BRI3BP: variants seen among roughly 807,000 people sequenced by gnomAD.
BRI3BP encodes the protein BRI3 binding protein, also known as BRI3-binding protein.
BRI3BP carries 7 observed loss-of-function variants against 15.8 expected under a neutral mutation model. The observed-to-expected ratio is 0.44, with a 90% CI of 0.25 to 0.83. The LOEUF (loss-of-function observed/expected upper bound fraction) is 0.83, where lower values mean the gene tolerates loss of function less well. Among genes scored for constraint, BRI3BP ranks in the 40% least tolerant of loss-of-function variants. The probability of loss-of-function intolerance (pLI) is 0.20; values close to 1 mark genes in which losing one functional copy is unlikely to be tolerated. For synonymous variants in BRI3BP, 192 were observed against 163.5 expected, an observed-to-expected ratio of 1.17 and a Z score of -1.33; for missense variants, 320 against 339.3, an observed-to-expected ratio of 0.94 and a Z score of 0.45.
chr12:125,010,264 C>T (rs1238464547), intron 1 of BRI3BP, among the ~76,000 whole-genome samples: 1 of 152,252 alleles, frequency 6.6e-6, no homozygotes, highest in South Asian at 2.1e-4. Context: ...CCTGCAGCCC[C>T]AGAGAGCTTA....
chr12:125,006,637 C>T (rs1270569111), intron 1 of BRI3BP, among the ~76,000 whole-genome samples: 3 of 152,326 alleles, frequency 2.0e-5, no homozygotes, highest in Middle Eastern at 3.4e-3. Flanking sequence ...CTCAGCTGCT[C>T]CGACACGCTG....
At chr12:125,000,831 C>G (rs918850093) in intron 1 of BRI3BP, among the ~76,000 whole-genome samples, 1 of 152,118 alleles carries the variant, frequency 6.6e-6, no homozygotes, top group Non-Finnish European at 1.5e-5. Flanking sequence ...TTGCAGACGT[C>G]TTAATACTTT....
chr12:125,013,491 T>C (rs1955214447), intron 2 of BRI3BP, among the ~76,000 whole-genome samples: 1 of 152,206 alleles, frequency 6.6e-6, no homozygotes, highest in Non-Finnish European at 1.5e-5. Flanking sequence ...TCTGGAACCA[T>C]GCATATCAGC....
intron 1 of BRI3BP, among the ~76,000 whole-genome samples, chr12:125,011,743 T>G (rs1210130357): frequency 6.6e-6 from 1 of 151,944 alleles, no homozygotes; most frequent in Non-Finnish European, 1.5e-5. Flanking sequence ...AAAGTTAAAA[T>G]GAGGCTGTAC....
At chr12:125,004,784 C>A (rs972632625) in intron 1 of BRI3BP, among the ~76,000 whole-genome samples, 1 of 152,172 alleles carries the variant, frequency 6.6e-6, no homozygotes, top group Non-Finnish European at 1.5e-5. Flanking sequence ...GAGGTCCTCT[C>A]GGCTGGGAGT....
intron 1 of BRI3BP, among the ~76,000 whole-genome samples, chr12:125,005,975 C>T (rs1955140040): frequency 6.6e-6 from 1 of 152,132 alleles, no homozygotes; most frequent in African/African-American, 2.4e-5. Flanking sequence ...GCCAGGGTTG[C>T]TTTCTCCTGA....
chr12:124,994,204 T>A (rs1955021095), intron 1 of BRI3BP, among the ~76,000 whole-genome samples: 2 of 151,838 alleles, frequency 1.3e-5, no homozygotes, highest in African/African-American at 4.8e-5. Flanking sequence ...CGGCCGGGCC[T>A]CGGGGCGCCC....
chr12:125,021,835 C>G (rs185904052), intron 2 of BRI3BP, among the ~76,000 whole-genome samples: 2 of 152,234 alleles, frequency 1.3e-5, no homozygotes, highest in Admixed American at 6.5e-5. Flanking sequence ...CCTACCAGGT[C>G]CCTCCCTGGA....
At chr12:125,005,644 G>A (rs1472826617) in intron 1 of BRI3BP, among the ~76,000 whole-genome samples, 6 of 152,066 alleles carry the variant, frequency 3.9e-5, no homozygotes, top group Admixed American at 2.6e-4. Flanking sequence ...GGTGCCTTAC[G>A]CCTGTAATCC....
rs766951651 is a variant in BRI3BP, at chr12:124,993,975, G to C, written c.185G>C (p.Gly62Ala). ...TFSQSVSSLFGEDNVRAAQKF... is the reference protein window; with the variant it reads ...TFSQSVSSLFAEDNVRAAQKF... ...TCCCAGAGCGTCAGCAGCCTGTTCG[G>C]CGAGGACAACGTGCGCGCCGCTCAG... is the stretch of plus-strand genomic sequence containing the variant. Residue 62 changes from glycine to alanine, a missense_variant, in exon 1 of 3, where the codon GGC (glycine) becomes GCC (alanine). By Grantham distance (60) the Gly-to-Ala change is moderately conservative. Coordinates refer to ENST00000341446, the MANE Select transcript of BRI3BP (RefSeq NM_080626.6). 1.5e-6 allele frequency: 2 copies of C among 1,360,580 alleles called. No individual in the cohort carries two copies. Among genetic ancestry groups the C allele is most frequent in the South Asian group, 3.3e-5 (2 of 60,484 alleles). The allele number at this position is 1,360,580 out of a possible 1,614,324, so 84.3% of individuals were successfully genotyped here.
chr12:124,999,033 A>C (rs1466636714), intron 1 of BRI3BP, among the ~76,000 whole-genome samples: 1 of 152,284 alleles, frequency 6.6e-6, no homozygotes, highest in East Asian at 1.9e-4. Context: ...AGCTGTGATC[A>C]CACCACTGTA....
intron 1 of BRI3BP, among the ~76,000 whole-genome samples, chr12:124,997,214 C>CTTTTTTTTT (rs1229802280): frequency 0.015 from 792 of 51,504 alleles, 206 homozygotes; most frequent in East Asian, 0.085. Flanking sequence ...CTTTACTTCT[C>CTTTTTTTTT]TTTTTTTTTT....
chr12:125,009,653 TCTCGAACTCCTGGGCTAAA>T (rs1955180315), intron 1 of BRI3BP, among the ~76,000 whole-genome samples: 1 of 151,642 alleles, frequency 6.6e-6, no homozygotes, highest in African/African-American at 2.4e-5. Context: ...CCCAGGCTGG[TCTCGAACTCCTGGGCTAAA>T]GCAGTCCTCC....
chr12:125,022,133 A>G (rs1017680593), intron 2 of BRI3BP, among the ~76,000 whole-genome samples: 2 of 151,044 alleles, frequency 1.3e-5, no homozygotes, highest in South Asian at 2.1e-4. Context: ...CCCAGGACCT[A>G]CTGAATCAGA....
At chr12:125,040,942 G>C in the BRI3BP span, among the ~76,000 whole-genome samples, 1 of 151,896 alleles carries the variant, frequency 6.6e-6, no homozygotes, top group African/African-American at 2.4e-5. Context: ...TGTTGGCCAG[G>C]CTGATTTTGA....
the BRI3BP span, among the ~76,000 whole-genome samples, chr12:125,043,092 C>T: frequency 2.6e-5 from 4 of 151,812 alleles, no homozygotes; most frequent in Non-Finnish European, 5.9e-5. Context: ...ACTTCACTTG[C>T]TCTGTGTGTT....
the BRI3BP span, among the ~76,000 whole-genome samples, chr12:125,047,802 T>C: frequency 3.4e-4 from 52 of 152,226 alleles, no homozygotes; most frequent in African/African-American, 1.1e-3. Context: ...GTTCAAGTGA[T>C]TCTCCTGCCT....
At chr12:125,012,693 G>C in intron 2 of BRI3BP, 57 bp downstream of exon 2, 1 of 1,333,934 alleles carries the variant, frequency 7.5e-7, no homozygotes, top group South Asian at 1.2e-5. Flanking sequence ...GGTTCTCATA[G>C]TGTGGAACTG....
chr12:125,008,472 A>C (rs11057980), intron 1 of BRI3BP, among the ~76,000 whole-genome samples: 19,683 of 151,360 alleles, frequency 0.13, 1,333 homozygotes, highest in Admixed American at 0.15. Context: ...ACCACCACGC[A>C]TGGCTAATTT....
Sources: gnomAD v4.1 joint callset for allele counts (sites outside exome capture counted in the v4.1 genomes callset) on GRCh38, gnomAD v4.1.1 for gene constraint, MANE v1.5 for transcripts, NCBI Gene and HGNC (gene_info 2026-07-23, HGNC 2026-07-21) for gene names.